The following NRXN3 variants were observed in gnomAD, a reference collection of about 807,000 sequenced individuals.
The protein encoded by NRXN3 is neurexin 3.
NRXN3 carries 32 observed loss-of-function variants against 137.6 expected under a neutral mutation model. The observed-to-expected ratio is 0.23, with a 90% confidence interval of 0.18 to 0.31. The LOEUF is 0.31. NRXN3 is among the 10% of genes least tolerant of loss of function. NRXN3 has a pLI of 1.00. For synonymous variants in NRXN3, 798 were observed against 784.5 expected, an observed-to-expected ratio of 1.02 and a Z score of -0.29; for missense variants, 1,574 against 2,062.5, an observed-to-expected ratio of 0.76 and a Z score of 4.59.
intron 4 of NRXN3, among the ~76,000 whole-genome samples, chr14:78,451,918 C>T (rs17107644): frequency 0.051 from 7,724 of 152,238 alleles, 365 homozygotes; most frequent in Admixed American, 0.13. Context: ...TAGTGTTGTC[C>T]TTTTCACATT....
intron 3 of NRXN3, among the ~76,000 whole-genome samples, chr14:78,292,718 C>G (rs1013324903): frequency 6.6e-6 from 1 of 152,200 alleles, no homozygotes; most frequent in African/African-American, 2.4e-5. Context: ...AAGATCTGTT[C>G]AAAGCCAGAG....
chr14:78,265,187 G>A (rs1381173865), intron 2 of NRXN3, among the ~76,000 whole-genome samples: 3 of 152,184 alleles, frequency 2.0e-5, no homozygotes, highest in African/African-American at 7.2e-5. Flanking sequence ...TTGTAGGTCA[G>A]GGGCAGGAGT....
At chr14:79,714,355 T>C (rs910772020) in intron 19 of NRXN3, among the ~76,000 whole-genome samples, 4 of 152,206 alleles carry the variant, frequency 2.6e-5, no homozygotes, top group African/African-American at 9.6e-5. Flanking sequence ...AATAGAAAAG[T>C]GCAGAAGGAA....
At chr14:79,708,586 A>G (rs1056187844) in intron 19 of NRXN3, among the ~76,000 whole-genome samples, 6 of 152,102 alleles carry the variant, frequency 3.9e-5, no homozygotes, top group Non-Finnish European at 5.9e-5. Flanking sequence ...GCCAGGCATC[A>G]AGGCGGATAT....
chr14:78,835,678 G>A (rs1418028272), intron 10 of NRXN3, among the ~76,000 whole-genome samples: 5 of 151,962 alleles, frequency 3.3e-5, no homozygotes, highest in Non-Finnish European at 4.4e-5. Flanking sequence ...CTTTCTGTTG[G>A]GAGACTCAGC....
intron 15 of NRXN3, among the ~76,000 whole-genome samples, chr14:79,426,980 T>C (rs940865448): frequency 1.3e-5 from 2 of 152,226 alleles, no homozygotes; most frequent in African/African-American, 4.8e-5. Context: ...TAAAGTGACA[T>C]TGAGCATTTT....
rs1567539168 is a variant in NRXN3 at position 78,419,949 on chromosome 14, G to GTGCA, written c.757+122089_757+122090insTGCA. On this transcript the variant is annotated intron_variant, in intron 4 of 20. Transcript: ENST00000335750. ...TATATCTGTGTGCACGTGTGTGCGC[G>GTGCA]CGCGCGCGCACGCACACACACACAC... Among the ~76,000 whole-genome samples the GTGCA allele has an allele frequency of 0.014, 68 of 4,952 alleles. No homozygotes were observed. The East Asian group carries it at 0.24, about 18-fold the overall frequency. 3.2% of individuals were successfully genotyped at this position (4,952 alleles called of 152,430 possible).
intron 10 of NRXN3, among the ~76,000 whole-genome samples, chr14:78,883,820 T>C (rs1409471643): frequency 6.6e-6 from 1 of 152,232 alleles, no homozygotes; most frequent in African/African-American, 2.4e-5. Flanking sequence ...TCAGCTTTGG[T>C]TGAAGTCACC....
At chr14:78,862,430 G>T (rs978443215) in intron 10 of NRXN3, among the ~76,000 whole-genome samples, 4 of 152,000 alleles carry the variant, frequency 2.6e-5, no homozygotes, top group African/African-American at 9.7e-5. Flanking sequence ...TTTAGCTTAA[G>T]GTTAGTAAAA....
At chr14:78,511,098 A>G (rs963648101) in intron 4 of NRXN3, among the ~76,000 whole-genome samples, 2 of 152,182 alleles carry the variant, frequency 1.3e-5, no homozygotes, top group African/African-American at 4.8e-5. Flanking sequence ...GTCACTGAGA[A>G]GATGTTTATG....
intron 2 of NRXN3, among the ~76,000 whole-genome samples, chr14:78,246,122 T>A (rs1413471888): frequency 1.3e-5 from 2 of 152,166 alleles, no homozygotes; most frequent in Non-Finnish European, 1.5e-5. Context: ...TGTTTGCAAG[T>A]GTGTTGTTAG....
intron 16 of NRXN3, among the ~76,000 whole-genome samples, chr14:79,659,204 T>C (rs1231158445): frequency 1.3e-5 from 2 of 149,580 alleles, no homozygotes; most frequent in South Asian, 4.2e-4. Context: ...TTTTTTTTTT[T>C]CCTGAATGCA....
intron 1 of NRXN3, among the ~76,000 whole-genome samples, chr14:78,192,728 G>T (rs970619231): frequency 2.6e-5 from 4 of 152,166 alleles, no homozygotes; most frequent in Non-Finnish European, 4.4e-5. Flanking sequence ...TCCTAGAGAG[G>T]GTGGTGTGGC....
chr14:78,343,709 C>A (rs57562242), intron 4 of NRXN3, among the ~76,000 whole-genome samples: 5,203 of 152,270 alleles, frequency 0.034, 253 homozygotes, highest in East Asian at 0.26. Context: ...AAGCCAGAGA[C>A]AAAGGGCAGG....
chr14:79,299,518 A>G (rs549636049), intron 15 of NRXN3, among the ~76,000 whole-genome samples: 1 of 152,282 alleles, frequency 6.6e-6, no homozygotes, highest in East Asian at 1.9e-4. Context: ...AACTTTATTT[A>G]CAAAAACAAG....
intron 15 of NRXN3, among the ~76,000 whole-genome samples, chr14:79,162,088 T>C (rs1199132627): frequency 8.8e-6 from 1 of 113,868 alleles, no homozygotes; most frequent in Non-Finnish European, 1.8e-5. Flanking sequence ...AGGCAATTAG[T>C]TTACTTATTT....
chr14:79,322,827 T>G (rs1242353936), intron 15 of NRXN3, among the ~76,000 whole-genome samples: 1 of 152,176 alleles, frequency 6.6e-6, no homozygotes, highest in African/African-American at 2.4e-5. Flanking sequence ...TTAGTGCTAG[T>G]CAGGCTTAAT....
chr14:79,259,149 C>A (rs967583572), intron 15 of NRXN3, among the ~76,000 whole-genome samples: 3 of 152,154 alleles, frequency 2.0e-5, no homozygotes, highest in African/African-American at 7.2e-5. Context: ...ACCATGTGAC[C>A]ACTTGTAAAA....
chr14:78,591,581 A>G (rs1045509108), intron 4 of NRXN3, among the ~76,000 whole-genome samples: 7 of 152,196 alleles, frequency 4.6e-5, no homozygotes, highest in African/African-American at 1.4e-4. Flanking sequence ...CCCTGGTTCT[A>G]TGATGCGATG....
Sources: allele counts gnomAD v4.1 joint callset (sites outside exome capture counted in the v4.1 genomes callset), GRCh38; gene constraint gnomAD v4.1.1; transcripts MANE v1.5; gene names NCBI Gene and HGNC (gene_info 2026-07-23, HGNC 2026-07-21).